DLGAP1: variants seen among roughly 807,000 people sequenced by gnomAD.
DLGAP1 encodes the protein DLG associated protein 1, also known as disks large-associated protein 1.
Under a neutral mutation model 90.8 loss-of-function variants are expected in DLGAP1, and 11 were observed. The observed-to-expected ratio is 0.12, with a 90% CI of 0.08 to 0.20. The LOEUF (loss-of-function observed/expected upper bound fraction) is 0.20. Among genes scored for constraint, DLGAP1 ranks in the 10% least tolerant of loss-of-function variants. DLGAP1 has a pLI of 1.00. For missense variants in DLGAP1, 1,050 were observed against 1,333.8 expected, an observed-to-expected ratio of 0.79 and a Z score of 3.31; for synonymous variants, 558 against 540.7, an observed-to-expected ratio of 1.03 and a Z score of -0.44.
chr18:4,043,605 A>G (rs1198599997), intron 2 of DLGAP1, among the ~76,000 whole-genome samples: 1 of 152,170 alleles, frequency 6.6e-6, no homozygotes, highest in East Asian at 1.9e-4. Context: ...GAAAAGACAG[A>G]TGCATCTTTT....
intron 2 of DLGAP1, among the ~76,000 whole-genome samples, chr18:4,083,936 G>A (rs1478380244): frequency 1.3e-5 from 2 of 152,152 alleles, no homozygotes; most frequent in African/African-American, 4.8e-5. Context: ...AGGGCTTTCT[G>A]TTTCCCGGGG....
intron 3 of DLGAP1, among the ~76,000 whole-genome samples, chr18:3,979,217 G>A (rs1406043563): frequency 6.7e-6 from 1 of 148,450 alleles, no homozygotes; most frequent in Non-Finnish European, 1.5e-5. Context: ...AGTCCCATAA[G>A]ACTATAGAGC....
intron 10 of DLGAP1, among the ~76,000 whole-genome samples, chr18:3,520,716 C>T (rs1162763181): frequency 1.3e-5 from 2 of 152,230 alleles, no homozygotes; most frequent in East Asian, 1.9e-4. Context: ...ATTAATTTCT[C>T]CTGTTTAAGT....
chr18:4,401,072 A>C (rs2144525536), intron 1 of DLGAP1, among the ~76,000 whole-genome samples: 1 of 152,352 alleles, frequency 6.6e-6, no homozygotes, highest in South Asian at 2.1e-4. Flanking sequence ...AGGTTGGGTA[A>C]GTCATGCAGG....
chr18:4,274,657 C>T (rs1324160942), intron 1 of DLGAP1, among the ~76,000 whole-genome samples: 7 of 152,162 alleles, frequency 4.6e-5, no homozygotes, highest in Non-Finnish European at 1.0e-4. Flanking sequence ...TCATTTAAAT[C>T]ATTGCAGAAA....
In DLGAP1 at chr18:4,208,813, G is replaced by GGA. The variant is rs373346106; in HGVS notation, c.-266-57528_-266-57527dup. 4.0e-3 allele frequency among the ~76,000 whole-genome samples: 606 copies of GGA among 151,738 alleles called. 1 individual carries two copies. Among genetic ancestry groups the GGA allele is most frequent in the African/African-American group, 0.013 (536 of 41,412 alleles). ...AGGGAGAAGGAGAGGTTGGGGGGGT[G>GGA]GAGAGAGAGAGAATGAATGAGAGCT... On this transcript the variant is annotated intron_variant, in intron 1 of 12. Transcript: ENST00000315677.
At chr18:4,262,417 C>T (rs1192589500) in intron 1 of DLGAP1, among the ~76,000 whole-genome samples, 2 of 152,182 alleles carry the variant, frequency 1.3e-5, no homozygotes, top group East Asian at 3.8e-4. Flanking sequence ...GAGGAGAAGA[C>T]ACTGAACCCT....
In DLGAP1 at chr18:4,436,478, A is replaced by G. The variant is rs752086501; in HGVS notation, c.-267+18528T>C. Reference sequence around the variant, plus strand: ...CCAGGTGATGCGATGTTGCTGGTCCAGAACCCATACTTTGGGAACCACATT... The same window carrying G: ...CCAGGTGATGCGATGTTGCTGGTCCGGAACCCATACTTTGGGAACCACATT... On this transcript the variant is annotated intron_variant, in intron 1 of 12. Transcript: ENST00000315677. Among the ~76,000 whole-genome samples, 10 of 152,330 alleles carry G rather than the reference A, an allele frequency of 6.6e-5. No homozygotes were observed. In the Middle Eastern group the frequency reaches 0.01, roughly 157 times the overall value.
At chr18:3,525,103 A>G (rs907029464) in intron 10 of DLGAP1, among the ~76,000 whole-genome samples, 1 of 83,572 alleles carries the variant, frequency 1.2e-5, no homozygotes, top group Non-Finnish European at 2.9e-5. Context: ...AAAAAAAAAA[A>G]TCAACAACAT....
chr18:4,366,991 GCT>G (rs1185556153), intron 1 of DLGAP1, among the ~76,000 whole-genome samples: 1 of 108,862 alleles, frequency 9.2e-6, no homozygotes, highest in Non-Finnish European at 1.8e-5. Context: ...CCAGTATACG[GCT>G]CTGTCAATGG....
At chr18:3,616,109 G>A (rs572450858) in intron 7 of DLGAP1, among the ~76,000 whole-genome samples, 1 of 152,246 alleles carries the variant, frequency 6.6e-6, no homozygotes, top group African/African-American at 2.4e-5. Context: ...TTGTACGTGG[G>A]ATTATTATTC....
intron 1 of DLGAP1, among the ~76,000 whole-genome samples, chr18:4,433,963 T>C (rs1425071746): frequency 6.6e-6 from 1 of 152,098 alleles, no homozygotes; most frequent in African/African-American, 2.4e-5. Flanking sequence ...TCACACACCC[T>C]ACATTCCAGC....
At chr18:3,659,989 G>A (rs114826098) in intron 7 of DLGAP1, among the ~76,000 whole-genome samples, 2 of 151,968 alleles carry the variant, frequency 1.3e-5, no homozygotes, top group African/African-American at 4.8e-5. Context: ...GTGTACTTGC[G>A]GCTCGCTCCC....
Position 3,501,231 on chromosome 18 carries a change from TAAAAAAAAA to T in DLGAP1, c.2724+1253_2724+1261del, listed in dbSNP as rs35211484. 9.0e-5 allele frequency among the ~76,000 whole-genome samples: 13 copies of T among 145,068 alleles called. No homozygotes were observed. In the East Asian group the frequency reaches 2.6e-3, roughly 29 times the overall value. On this transcript the variant is annotated intron_variant, in intron 12 of 12. Coordinates refer to ENST00000315677, the MANE Select transcript of DLGAP1 (RefSeq NM_004746.4). The stretch of plus-strand genomic sequence containing the variant: ...CCATGCCCAGCCAACAATGATTATT[TAAAAAAAAA>T]AAAAAAAAATTAGATGCATCAGCTC...
intron 7 of DLGAP1, among the ~76,000 whole-genome samples, chr18:3,621,896 G>A (rs960801433): frequency 2.0e-5 from 3 of 152,104 alleles, no homozygotes; most frequent in African/African-American, 7.2e-5. Context: ...AGCTCAGGAG[G>A]TTGAGGCTGC....
intron 1 of DLGAP1, among the ~76,000 whole-genome samples, chr18:4,197,824 T>A (rs2077529348): frequency 6.6e-6 from 1 of 152,124 alleles, no homozygotes; most frequent in Admixed American, 6.6e-5. Context: ...GAGAAATTAT[T>A]GAATGAGAAG....
chr18:4,123,395 T>G (rs2076183409), intron 2 of DLGAP1, among the ~76,000 whole-genome samples: 1 of 152,100 alleles, frequency 6.6e-6, no homozygotes. Context: ...AGACCCTCCA[T>G]AATTACATGC....
intron 2 of DLGAP1, among the ~76,000 whole-genome samples, chr18:4,070,459 G>A (rs1176154335): frequency 2.0e-5 from 3 of 151,774 alleles, no homozygotes; most frequent in Non-Finnish European, 2.9e-5. Flanking sequence ...AGAGAATATC[G>A]GTTTTGGAAA....
In DLGAP1 at chr18:3,531,218, C is replaced by T. The variant is rs552873776; in HGVS notation, c.2479+2976G>A. Among the ~76,000 whole-genome samples the T allele has an allele frequency of 2.4e-3, 358 of 152,168 alleles. 2 individuals are homozygous for T. Among genetic ancestry groups the T allele is most frequent in the Non-Finnish European group, 3.0e-3 (203 of 67,996 alleles). On this transcript the variant is annotated intron_variant, in intron 10 of 12. Coordinates refer to ENST00000315677, the MANE Select transcript of DLGAP1 (RefSeq NM_004746.4). ...TTGGGAGGCCGAGACGGGTGGATCA[C>T]CTGAGGTCAGGAGTTCAAGACCAGA...
Sources: allele counts gnomAD v4.1 joint callset (sites outside exome capture counted in the v4.1 genomes callset), GRCh38; gene constraint gnomAD v4.1.1; transcripts MANE v1.5; gene names NCBI Gene and HGNC (gene_info 2026-07-23, HGNC 2026-07-21).